NRBP1: variants seen among roughly 807,000 people sequenced by gnomAD.
NRBP1 encodes nuclear receptor-binding protein.
A neutral mutation model predicts 76.0 loss-of-function variants in NRBP1; 10 were observed. That is an observed-to-expected ratio of 0.13 (90% CI 0.08 to 0.22). The LOEUF (loss-of-function observed/expected upper bound fraction) is 0.22. Ranked by LOEUF, NRBP1 falls within the 10% of genes least tolerant of loss-of-function variation. The pLI, the probability that NRBP1 is intolerant of heterozygous loss-of-function variation, is 1.00. For synonymous variants in NRBP1, 235 were observed against 240.2 expected (o/e 0.98, Z 0.20); for missense variants, 344 against 646.0 (o/e 0.53, Z 5.07).
chr2:27,441,578 C>T lies in NRBP1; in HGVS notation c.1459C>T (p.Pro487Ser). The T allele has an allele frequency of 1.2e-6, 2 of 1,614,080 alleles. No homozygotes were observed. Among genetic ancestry groups the T allele is most frequent in the Non-Finnish European group, 1.7e-6 (2 of 1,180,002 alleles). The change falls in exon 17 of 18, where the codon CCC becomes TCC. Residue 487 changes from proline to serine, a missense_variant. Coordinates refer to ENST00000379852, the MANE Select transcript of NRBP1 (RefSeq NM_013392.4). ...SCDLMPNENI[P>S]ELAAELVQLG... ...TGTTTCTTTGTCAGATGAGAATATC[C>T]CCGAGTTGGCGGCTGAGCTGGTGCA... is the stretch of plus-strand genomic sequence containing the variant.
Position 27,440,431 on chromosome 2 carries a change from G to A in NRBP1, c.1065G>A (p.Glu355=). 1.2e-6 allele frequency: 2 copies of A among 1,613,862 alleles called. No individual in the cohort carries two copies. The highest frequency in any genetic ancestry group is 1.7e-6 in the Non-Finnish European group (2 of 1,179,816). Residue 355 remains glutamate, a synonymous_variant, in exon 12 of 18, where the codon GAG becomes GAA. Transcript: ENST00000379852. ...QHMIPENALE[E]ITKNMDTSAV... ...TGATCCCAGAGAACGCTCTAGAGGA[G>A]ATCACCAAAAACATGGATACTAGTG...
At chr2:27,440,764 C>T (rs373734047) in intron 13 of NRBP1, 41 bp from the exon 14 acceptor site, 43 of 1,613,954 alleles carry the variant, frequency 2.7e-5, no homozygotes, top group African/African-American at 1.6e-4. Flanking sequence ...TATCCTAAGG[C>T]GTTCACAGAG....
Position 27,433,378 on chromosome 2 carries a change from CTCCACAACCTCAGCTGCT to C in NRBP1, c.109_126del (p.Thr37_Ser42del). The C allele has an allele frequency of 6.2e-7, 1 of 1,614,218 alleles. No homozygotes were observed. The highest frequency in any genetic ancestry group is 8.5e-7 in the Non-Finnish European group (1 of 1,180,030). ...TGACATCAGTGTCACCTCCTGTGAC[CTCCACAACCTCAGCTGCT>C]TCCCCAGAGGAAGAAGAAGAAAGTG... On this transcript the variant is annotated inframe_deletion, in exon 2 of 18. Coordinates refer to ENST00000379852, the MANE Select transcript of NRBP1 (RefSeq NM_013392.4).
upstream of NRBP1, chr2:27,428,604 G>T (rs1029042435): frequency 2.5e-5 from 10 of 397,710 alleles, no homozygotes; most frequent in Admixed American, 4.4e-5. Flanking sequence ...GTTGGTCCGG[G>T]CGCCGCGAGG....
chr2:27,438,081 G>T (rs1033982006), intron 10 of NRBP1, among the ~76,000 whole-genome samples: 1 of 151,706 alleles, frequency 6.6e-6, no homozygotes, highest in Admixed American at 6.6e-5. Flanking sequence ...CACCTACTCG[G>T]GAGGCTGAGG....
In NRBP1 at chr2:27,440,443, C is replaced by A. The variant is rs1664492496; in HGVS notation, c.1077C>A (p.Asn359Lys). Reference sequence around the variant, plus strand: ...ACGCTCTAGAGGAGATCACCAAAAACATGGATACTAGTGCCGTACTGGCTG... The same window carrying A: ...ACGCTCTAGAGGAGATCACCAAAAAAATGGATACTAGTGCCGTACTGGCTG... ...PENALEEITK[N>K]MDTSAVLAEI... The change falls in exon 12 of 18, where the codon AAC becomes AAA. Residue 359 changes from asparagine to lysine, a missense_variant. Transcript: ENST00000379852. The A allele has an allele frequency of 6.2e-7, 1 of 1,613,978 alleles. No individual in the cohort carries two copies. The highest frequency in any genetic ancestry group is 8.5e-7 in the Non-Finnish European group (1 of 1,179,976).
intron 10 of NRBP1, among the ~76,000 whole-genome samples, chr2:27,437,566 T>C (rs913578903): frequency 6.6e-6 from 1 of 152,310 alleles, no homozygotes; most frequent in South Asian, 2.1e-4. Context: ...TGGATGATGC[T>C]GGGGTTAAAA....
chr2:27,437,431 C>A, intron 10 of NRBP1, 71 bp downstream of exon 10: 2 of 1,131,218 alleles, frequency 1.8e-6, no homozygotes, highest in East Asian at 2.4e-5. Flanking sequence ...TCCTTTGTAC[C>A]CACTGGGTAT....
Position 27,442,072 on chromosome 2 carries a change from T to C in NRBP1, c.*260T>C, listed in dbSNP as rs1664605266. Reference sequence around the variant, plus strand: ...CAGCCGCCTTCTAGTTGGGGGCTAGTCGCTGATCTGCCGGCTCCCGCCCAG... The same window carrying C: ...CAGCCGCCTTCTAGTTGGGGGCTAGCCGCTGATCTGCCGGCTCCCGCCCAG... On this transcript the variant is annotated 3_prime_UTR_variant, in exon 18 of 18. Transcript: ENST00000379852. 5.6e-6 allele frequency: 3 copies of C among 535,094 alleles called. No homozygotes were observed. The East Asian group carries it at 9.3e-5, about 17-fold the overall frequency. The allele number at this position is 535,094 out of a possible 1,614,324, so 33.1% of individuals were successfully genotyped here.
At position 27,441,558 on chromosome 2, in the gene NRBP1, C is replaced by A; in HGVS notation, c.1448-9C>A. The A allele has an allele frequency of 1.2e-6, 2 of 1,614,066 alleles. No homozygotes were observed. The highest frequency in any genetic ancestry group is 1.7e-6 in the Non-Finnish European group (2 of 1,179,954). ...GTACTGTACTCACCCCCTCCTGTTTCTTTGTCAGATGAGAATATCCCCGAG... is the reference window on the plus strand; with the variant it reads ...GTACTGTACTCACCCCCTCCTGTTTATTTGTCAGATGAGAATATCCCCGAG... On this transcript the variant is annotated splice_polypyrimidine_tract_variant and intron_variant, in intron 16 of 17. Coordinates refer to ENST00000379852, the MANE Select transcript of NRBP1 (RefSeq NM_013392.4).
At position 27,441,580 on chromosome 2, in the gene NRBP1, C is replaced by T. The variant is rs531141250; in HGVS notation, c.1461C>T (p.Pro487=). The T allele has an allele frequency of 9.3e-6, 15 of 1,614,140 alleles. 1 individual carries two copies. The South Asian group carries it at 1.3e-4, about 14-fold the overall frequency. The change falls in exon 17 of 18, where the codon CCC becomes CCT. Residue 487 remains proline (P), a synonymous_variant. Coordinates refer to ENST00000379852, the MANE Select transcript of NRBP1 (RefSeq NM_013392.4). ...TTTCTTTGTCAGATGAGAATATCCCCGAGTTGGCGGCTGAGCTGGTGCAGC... is the reference window on the plus strand; with the variant it reads ...TTTCTTTGTCAGATGAGAATATCCCTGAGTTGGCGGCTGAGCTGGTGCAGC... ...SCDLMPNENI[P]ELAAELVQLG... is the part of the protein sequence containing the mutation.
chr2:27,441,926 T>G lies in NRBP1; in HGVS notation c.*114T>G. The G allele has an allele frequency of 1.4e-6, 1 of 697,266 alleles. No homozygotes were observed. Among genetic ancestry groups the G allele is most frequent in the Non-Finnish European group, 2.5e-6 (1 of 395,246 alleles). The allele number at this position is 697,266 out of a possible 1,614,324, so 43.2% of individuals were successfully genotyped here. A position where few individuals can be genotyped will look rare whatever the true frequency, so the allele number is the denominator to read the frequency against. ...CCTGTGAAGCCCCTTCCCTCCTTTA[T>G]TATTCAGGAGGGCTGGGGGGGCTCC... is the stretch of plus-strand genomic sequence containing the variant. On this transcript the variant is annotated 3_prime_UTR_variant, in exon 18 of 18. Coordinates refer to ENST00000379852, the MANE Select transcript of NRBP1 (RefSeq NM_013392.4).
At chr2:27,439,936 T>A in intron 11 of NRBP1, 38 bp downstream of exon 11, 1 of 1,552,170 alleles carries the variant, frequency 6.4e-7, no homozygotes. Flanking sequence ...AGTCTTCCAA[T>A]CTGGAGCCCT....
intron 7 of NRBP1, chr2:27,435,735 T>G: frequency 1.4e-6 from 1 of 717,636 alleles, no homozygotes; most frequent in Non-Finnish European, 2.6e-6. Context: ...TTTCATAGGA[T>G]TTTTGCTAAT....
At chr2:27,429,893 C>T (rs1269861706) in intron 1 of NRBP1, among the ~76,000 whole-genome samples, 2 of 152,158 alleles carry the variant, frequency 1.3e-5, no homozygotes, top group African/African-American at 4.8e-5. Flanking sequence ...TTATTTCCTA[C>T]TGTAGTCTGG....
chr2:27,436,606 AG>A (rs2148449873), intron 7 of NRBP1, 146 bp from the exon 8 acceptor site: 1 of 660,416 alleles, frequency 1.5e-6, no homozygotes, highest in East Asian at 2.7e-5. Context: ...TCTGTAGTTC[AG>A]GACAGGAAAG....
At chr2:27,433,612 G>A in intron 2 of NRBP1, 61 bp from the exon 3 acceptor site, 7 of 1,610,324 alleles carry the variant, frequency 4.3e-6, no homozygotes, top group Middle Eastern at 3.3e-4. Flanking sequence ...ATCATATGGA[G>A]TGTTAAAATG....
rs144953177 is a variant in NRBP1 at position 27,437,267 on chromosome 2, A to G, written c.810A>G (p.Ala270=). 2.0e-4 allele frequency: 323 copies of G among 1,613,370 alleles called. 2 individuals are homozygous for G. In the African/African-American group the frequency reaches 3.7e-3, roughly 19 times the overall value. Reference sequence around the variant, plus strand: ...TTTATTCTTCCTCACTGAAGATGGCAGTGCTGGAGATTCAGGGCAATGGAG... The same window carrying G: ...TTTATTCTTCCTCACTGAAGATGGCGGTGCTGGAGATTCAGGGCAATGGAG... ...YSFGMCALEM[A]VLEIQGNGES... is the part of the protein sequence containing the mutation. The change falls in exon 10 of 18, where the codon GCA becomes GCG. Residue 270 remains alanine (A), a synonymous_variant. Transcript: ENST00000379852.
rs756000249 is a variant in NRBP1 at position 27,434,461 on chromosome 2, G to C, written c.436-10G>C. ...TATAAGGCCTTTTAGTAAGTGCTTT[G>C]CCTCCCCAGGTCATTTTTATCACAG... On this transcript the variant is annotated splice_polypyrimidine_tract_variant and intron_variant, in intron 4 of 17. Coordinates refer to ENST00000379852, the MANE Select transcript of NRBP1 (RefSeq NM_013392.4). 14 of 1,604,140 alleles carry C rather than the reference G, an allele frequency of 8.7e-6. No homozygotes were observed. Among genetic ancestry groups the C allele is most frequent in the Non-Finnish European group, 1.2e-5 (14 of 1,171,218 alleles).
Sources: allele counts gnomAD v4.1 joint callset (sites outside exome capture counted in the v4.1 genomes callset), GRCh38; gene constraint gnomAD v4.1.1; transcripts MANE v1.5; gene names NCBI Gene and HGNC (gene_info 2026-07-23, HGNC 2026-07-21).